EPG5: variants seen among roughly 807,000 people sequenced by gnomAD.
The protein encoded by EPG5 is ectopic P granules protein 5 homolog.
EPG5 carries 159 observed loss-of-function variants against 302.7 expected under a neutral mutation model. That is an observed-to-expected ratio of 0.53 (90% CI 0.46 to 0.60). EPG5 has a LOEUF of 0.60. EPG5 is among the 20% of genes least tolerant of loss of function. EPG5 has a pLI of 0.00. For missense variants in EPG5, 2,896 were observed against 3,092.4 expected, an observed-to-expected ratio of 0.94 and a Z score of 1.51; for synonymous variants, 1,158 against 1,136.8, an observed-to-expected ratio of 1.02 and a Z score of -0.37.
At chr18:45,957,329 T>C (rs556001731) in intron 1 of EPG5, among the ~76,000 whole-genome samples, 2 of 152,194 alleles carry the variant, frequency 1.3e-5, no homozygotes, top group Non-Finnish European at 2.9e-5. Flanking sequence ...CTGTGAACTG[T>C]GGACATCAGA....
At chr18:45,922,256 GC>G (rs2050171770) in intron 16 of EPG5, 84 bp downstream of exon 16, 5 of 1,509,036 alleles carry the variant, frequency 3.3e-6, no homozygotes, top group Non-Finnish European at 4.5e-6. Flanking sequence ...TTTGACAGAG[GC>G]CTCAGAACTT....
At chr18:45,867,316 A>G (rs2048767443) in intron 37 of EPG5, among the ~76,000 whole-genome samples, 1 of 152,242 alleles carries the variant, frequency 6.6e-6, no homozygotes, top group Non-Finnish European at 1.5e-5. Context: ...ATTGAAGTAG[A>G]TATTAATGAG....
At chr18:45,951,947 C>T (rs557786875) in intron 3 of EPG5, among the ~76,000 whole-genome samples, 10 of 152,022 alleles carry the variant, frequency 6.6e-5, no homozygotes, top group African/African-American at 2.4e-4. Context: ...TCTTAAAATC[C>T]AAAATAAGAT....
At chr18:45,892,803 G>GA (rs1382828221) in intron 27 of EPG5, among the ~76,000 whole-genome samples, 4 of 152,014 alleles carry the variant, frequency 2.6e-5, no homozygotes, top group Admixed American at 6.5e-5. Flanking sequence ...TTCTTTCCCA[G>GA]AAAAAATCTA....
the EPG5 span, among the ~76,000 whole-genome samples, chr18:45,812,947 C>A: frequency 3.9e-5 from 6 of 152,278 alleles, no homozygotes; most frequent in African/African-American, 1.4e-4. Context: ...AGAGCTTCTG[C>A]ACAGCAAAAG....
At chr18:45,966,752 G>T (rs2051272838) in intron 1 of EPG5, among the ~76,000 whole-genome samples, 1 of 152,164 alleles carries the variant, frequency 6.6e-6, no homozygotes. Context: ...TTCTGCCAAA[G>T]GTACCTTCTC....
chr18:45,877,263 TTG>T (rs1441957846), intron 34 of EPG5, among the ~76,000 whole-genome samples: 1 of 130,870 alleles, frequency 7.6e-6, no homozygotes, highest in Non-Finnish European at 1.7e-5. Flanking sequence ...AAAATTAAAA[TTG>T]AAAAATAGCT....
intron 11 of EPG5, among the ~76,000 whole-genome samples, chr18:45,933,092 T>C (rs1189785011): frequency 2.0e-5 from 3 of 152,162 alleles, no homozygotes; most frequent in East Asian, 3.9e-4. Context: ...CCAAAGGAAA[T>C]GTCTGCTTCT....
At chr18:45,915,730 G>T in intron 19 of EPG5, 109 bp from the exon 20 acceptor site, 1 of 855,558 alleles carries the variant, frequency 1.2e-6, no homozygotes, top group Non-Finnish European at 1.9e-6. Flanking sequence ...ATTCTGATAA[G>T]ACAGAGATTT....
At chr18:45,860,706 G>A (rs1156968585) in intron 39 of EPG5, among the ~76,000 whole-genome samples, 1 of 152,144 alleles carries the variant, frequency 6.6e-6, no homozygotes, top group Non-Finnish European at 1.5e-5. Context: ...CAAATACGTA[G>A]ATCTCACCAG....
the EPG5 span, among the ~76,000 whole-genome samples, chr18:45,839,336 C>G: frequency 6.6e-6 from 1 of 152,188 alleles, no homozygotes; most frequent in Non-Finnish European, 1.5e-5. Flanking sequence ...TTGATAGCAG[C>G]ACAGAGATAT....
At chr18:45,808,824 T>A in the EPG5 span, among the ~76,000 whole-genome samples, 2 of 142,252 alleles carry the variant, frequency 1.4e-5, no homozygotes, top group Non-Finnish European at 3.1e-5. Context: ...AATTAAAAAA[T>A]AAAAACAAAA....
At chr18:45,825,535 T>C in the EPG5 span, 65 of 596,008 alleles carry the variant, frequency 1.1e-4, no homozygotes, top group Non-Finnish European at 1.5e-4. Flanking sequence ...CCACGGGGCT[T>C]GAATGATCAG....
At chr18:45,920,303 T>C (rs1001534730) in intron 16 of EPG5, among the ~76,000 whole-genome samples, 3 of 151,942 alleles carry the variant, frequency 2.0e-5, no homozygotes, top group Admixed American at 6.6e-5. Context: ...ACACAGTGAG[T>C]GTGCTGTTCA....
chr18:45,899,265 T>G, intron 27 of EPG5, 139 bp downstream of exon 27: 1 of 956,024 alleles, frequency 1.0e-6, no homozygotes, highest in Non-Finnish European at 1.6e-6. Flanking sequence ...TCTATGAGTG[T>G]TTTCATGCCC....
Position 45,870,660 on chromosome 18 carries a change from T to C in EPG5, c.6132A>G (p.Pro2044=), listed in dbSNP as rs1442587078. ...TATGGAAAGCGTACAGAATGAACTCTGGCATTTTGGGTGCTGTACATGCTT... is the reference window on the plus strand; with the variant it reads ...TATGGAAAGCGTACAGAATGAACTCCGGCATTTTGGGTGCTGTACATGCTT... ...YCEACTAPKM[P]EFILYAFHST... The change falls in exon 36 of 44, where the codon CCA becomes CCG. Residue 2044 remains proline, a synonymous_variant. Coordinates refer to ENST00000282041, the MANE Select transcript of EPG5 (RefSeq NM_020964.3). The C allele has an allele frequency of 1.2e-6, 2 of 1,613,948 alleles. No individual in the cohort carries two copies. Among genetic ancestry groups the C allele is most frequent in the African/African-American group, 1.3e-5 (1 of 74,878 alleles).
the EPG5 span, among the ~76,000 whole-genome samples, chr18:45,813,195 G>A: frequency 5.4e-4 from 82 of 152,146 alleles, no homozygotes; most frequent in Non-Finnish European, 1.1e-3. Flanking sequence ...TCAAAGAAAT[G>A]CAAATCAAAA....
chr18:45,802,344 A>C, the EPG5 span, among the ~76,000 whole-genome samples: 1 of 152,074 alleles, frequency 6.6e-6, no homozygotes, highest in Non-Finnish European at 1.5e-5. Flanking sequence ...AACATGGCAA[A>C]ACCCCATCTC....
chr18:45,820,068 T>C, the EPG5 span, among the ~76,000 whole-genome samples: 1 of 152,136 alleles, frequency 6.6e-6, no homozygotes, highest in Non-Finnish European at 1.5e-5. Flanking sequence ...GCAGAAACTG[T>C]GCTCTTGCCA....
Sources: gnomAD v4.1 joint callset for allele counts (sites outside exome capture counted in the v4.1 genomes callset) on GRCh38, gnomAD v4.1.1 for gene constraint, MANE v1.5 for transcripts, NCBI Gene and HGNC (gene_info 2026-07-23, HGNC 2026-07-21) for gene names.